Variants in SYNM observed in about 807,000 individuals in gnomAD.
SYNM encodes desmuslin.
SYNM carries 95 observed loss-of-function variants against 104.0 expected under a neutral mutation model. The ratio of observed to expected loss-of-function variants is 0.91; its 90% CI spans 0.77 to 1.08. The LOEUF (loss-of-function observed/expected upper bound fraction) is 1.08. Ranked by LOEUF, SYNM falls within the 50% of genes least tolerant of loss-of-function variation. SYNM has a pLI of 0.00. For missense variants in SYNM, 2,150 were observed against 2,052.2 expected (o/e 1.05, Z -0.92); for synonymous variants, 918 against 869.0 (o/e 1.06, Z -0.99).
rs1251210514 is a variant in SYNM, at chr15:99,105,116, C to T, written c.-84C>T. 9.8e-6 allele frequency: 14 copies of T among 1,435,802 alleles called. No individual in the cohort carries two copies. Among genetic ancestry groups the T allele is most frequent in the African/African-American group, 7.4e-5 (5 of 67,712 alleles). The allele number at this position is 1,435,802 out of a possible 1,614,324, so 88.9% of individuals were successfully genotyped here. A position where few individuals can be genotyped will look rare whatever the true frequency, so the allele number is the denominator to read the frequency against. ...CTCCGGGGCAGCGGCGAGGCCGGAG[C>T]GTCGCGGCGGAGAGGACGAGACCGG... On this transcript the variant is annotated 5_prime_UTR_variant, in exon 1 of 4. Coordinates refer to ENST00000336292, the MANE Select transcript of SYNM (RefSeq NM_145728.3).
intron 2 of SYNM, among the ~76,000 whole-genome samples, chr15:99,118,423 C>T (rs1012987754): frequency 7.2e-4 from 110 of 152,310 alleles, no homozygotes; most frequent in African/African-American, 2.5e-3. Flanking sequence ...GCCGTTGCCC[C>T]AGAATTGCTG....
intron 3 of SYNM, chr15:99,128,994 A>G: frequency 1.0e-5 from 2 of 194,140 alleles, no homozygotes; most frequent in Non-Finnish European, 2.1e-5. Context: ...ACTTACCTCA[A>G]AAAGCAGAAA....
intron 1 of SYNM, 101 bp downstream of exon 1, chr15:99,106,110 G>A: frequency 8.0e-7 from 1 of 1,255,990 alleles, no homozygotes; most frequent in Non-Finnish European, 1.0e-6. Flanking sequence ...CCAGGGGCGC[G>A]GCGTCGCGGA....
At chr15:99,127,989 G>T (rs570081319) in intron 3 of SYNM, among the ~76,000 whole-genome samples, 5 of 147,082 alleles carry the variant, frequency 3.4e-5, no homozygotes, top group African/African-American at 1.3e-4. Flanking sequence ...AACAGCTGTT[G>T]CTGTTAACTT....
Position 99,130,233 on chromosome 15 carries a change from G to A in SYNM, c.1873G>A (p.Ala625Thr). 1.2e-6 allele frequency: 2 copies of A among 1,613,964 alleles called. No individual in the cohort carries two copies. The highest frequency in any genetic ancestry group is 8.5e-7 in the Non-Finnish European group (1 of 1,179,886). Reference protein sequence around the residue: ...ELRFRLGTSDATGSLQGDSMT... With the variant: ...ELRFRLGTSDTTGSLQGDSMT... ...ACGGTTCAGGTTGGGCACCAGTGAT[G>A]CCACTGGTTCTCTGCAAGGCGATTC... The change falls in exon 4 of 4, where the codon GCC becomes ACC. Residue 625 changes from alanine (A) to threonine (T), a missense_variant. Coordinates refer to ENST00000336292, the MANE Select transcript of SYNM (RefSeq NM_145728.3).
chr15:99,124,429 G>C (rs557088825), intron 2 of SYNM, among the ~76,000 whole-genome samples: 1 of 152,300 alleles, frequency 6.6e-6, no homozygotes, highest in East Asian at 1.9e-4. Context: ...GATAGTAAAG[G>C]TGACATGTGT....
At chr15:99,125,049 G>A (rs1389179745) in intron 2 of SYNM, among the ~76,000 whole-genome samples, 1 of 152,230 alleles carries the variant, frequency 6.6e-6, no homozygotes, top group Non-Finnish European at 1.5e-5. Flanking sequence ...CCCTTTGGAG[G>A]GTGGGGAAGA....
Position 99,132,234 on chromosome 15 carries a change from A to AT in SYNM, c.3875dup (p.Gly1293ArgfsTer46). 6.2e-7 allele frequency: 1 copy of AT among 1,611,602 alleles called. No individual in the cohort carries two copies. The highest frequency in any genetic ancestry group is 2.2e-5 in the East Asian group (1 of 44,844). ...TTCAGACAAGGTGGAGTTGGGTGTCATAGGAGATTCTGTACACATGGAAGG... is the reference window on the plus strand; with the variant it reads ...TTCAGACAAGGTGGAGTTGGGTGTCATTAGGAGATTCTGTACACATGGAAGG... On this transcript the variant is annotated frameshift_variant, in exon 4 of 4. Coordinates refer to ENST00000336292, the MANE Select transcript of SYNM (RefSeq NM_145728.3). LOFTEE classifies it high-confidence loss of function.
intron 1 of SYNM, among the ~76,000 whole-genome samples, chr15:99,109,763 A>G (rs1157465022): frequency 6.6e-6 from 1 of 152,170 alleles, no homozygotes; most frequent in Non-Finnish European, 1.5e-5. Flanking sequence ...AAACAAAGAA[A>G]GTCCCTTGAC....
At position 99,133,643 on chromosome 15, in the gene SYNM, A is replaced by G. The variant is rs2067535745; in HGVS notation, c.*585A>G. 6.4e-6 allele frequency: 1 copy of G among 157,480 alleles called. No homozygotes were observed. Among genetic ancestry groups the G allele is most frequent in the African/African-American group, 2.4e-5 (1 of 41,478 alleles). The allele number at this position is 157,480 out of a possible 1,614,324, so 9.8% of individuals were successfully genotyped here. A position where few individuals can be genotyped will look rare whatever the true frequency, so the allele number is the denominator to read the frequency against. On this transcript the variant is annotated 3_prime_UTR_variant, in exon 4 of 4. Transcript: ENST00000336292. ...GAGCTAAATTCATCTTAAGACTTGA[A>G]TGAATTGCTTTCTATGTACAGAACT... is the stretch of plus-strand genomic sequence containing the variant.
chr15:99,125,972 T>C (rs1484999429), intron 2 of SYNM, among the ~76,000 whole-genome samples: 4 of 152,208 alleles, frequency 2.6e-5, no homozygotes, highest in Non-Finnish European at 4.4e-5. Flanking sequence ...GAAACTTCTA[T>C]AATTTTAGAA....
downstream of SYNM, chr15:99,138,070 G>A: frequency 1.2e-6 from 2 of 1,613,882 alleles, no homozygotes; most frequent in Non-Finnish European, 1.7e-6. Flanking sequence ...GGATGCTGGT[G>A]CAGAAGGCCA....
intron 2 of SYNM, among the ~76,000 whole-genome samples, chr15:99,119,357 A>G (rs1329763614): frequency 2.0e-5 from 3 of 152,258 alleles, no homozygotes; most frequent in Non-Finnish European, 4.4e-5. Context: ...CCACCCAGAC[A>G]TACTGGACCG....
chr15:99,114,237 G>A (rs1283182997), intron 2 of SYNM, among the ~76,000 whole-genome samples: 1 of 152,148 alleles, frequency 6.6e-6, no homozygotes, highest in African/African-American at 2.4e-5. Flanking sequence ...GGAAGGCAAA[G>A]GAGAAGCAAG....
intron 2 of SYNM, among the ~76,000 whole-genome samples, chr15:99,117,896 G>A (rs2067364542): frequency 1.3e-5 from 2 of 152,168 alleles, no homozygotes; most frequent in African/African-American, 4.8e-5. Context: ...TATGGCTGGC[G>A]TTTCCCTAAC....
intron 2 of SYNM, among the ~76,000 whole-genome samples, chr15:99,121,738 T>TTCTAACA (rs1405408578): frequency 6.6e-6 from 1 of 152,150 alleles, no homozygotes; most frequent in Non-Finnish European, 1.5e-5. Flanking sequence ...AAGAAGCTGT[T>TTCTAACA]AGAAAACAGA....
At chr15:99,121,906 G>A (rs1369272162) in intron 2 of SYNM, among the ~76,000 whole-genome samples, 3 of 152,228 alleles carry the variant, frequency 2.0e-5, no homozygotes, top group African/African-American at 7.2e-5. Context: ...CGCGGTCTCT[G>A]TAAGAATCCA....
chr15:99,130,424 G>A lies in SYNM; in HGVS notation c.2064G>A (p.Val688=), dbSNP rs782544086. 4.3e-6 allele frequency: 7 copies of A among 1,613,682 alleles called. No homozygotes were observed. Among genetic ancestry groups the A allele is most frequent in the African/African-American group, 4.0e-5 (3 of 74,914 alleles). Residue 688 remains valine (V), a synonymous_variant, in exon 4 of 4, where the codon GTG becomes GTA. Transcript: ENST00000336292. ...GGAAAACAAAGACTGAAATAGTTGT[G>A]GAGTCTAAACTGACTGAGGATGTTG... ...GERKTKTEIV[V]ESKLTEDVDV... is the part of the protein sequence containing the mutation.
In SYNM at chr15:99,132,592, C is replaced by T. The variant is rs376792972; in HGVS notation, c.4232C>T (p.Thr1411Met). 4.8e-5 allele frequency: 78 copies of T among 1,613,896 alleles called. No individual in the cohort carries two copies. Among genetic ancestry groups the T allele is most frequent in the Middle Eastern group, 1.6e-4 (1 of 6,084 alleles). Reference sequence around the variant, plus strand: ...CACATTCGACTAGGTCCTACAGAAACGGAAACCTCTGAACACATTGCCATC... The same window carrying T: ...CACATTCGACTAGGTCCTACAGAAATGGAAACCTCTGAACACATTGCCATC... ...FRHIRLGPTE[T>M]ETSEHIAIRG... is the part of the protein sequence containing the mutation. The change falls in exon 4 of 4, where the codon ACG (threonine) becomes ATG (methionine). Residue 1411 changes from threonine to methionine, a missense_variant. By Grantham distance (81) the Thr-to-Met change is moderately conservative. Transcript: ENST00000336292.
Sources: allele counts gnomAD v4.1 joint callset (sites outside exome capture counted in the v4.1 genomes callset), GRCh38; gene constraint gnomAD v4.1.1; transcripts MANE v1.5; gene names NCBI Gene and HGNC (gene_info 2026-07-23, HGNC 2026-07-21).